CTNNAL1: variants seen among roughly 807,000 people sequenced by gnomAD.
The protein encoded by CTNNAL1 is alpha-catulin.
A neutral mutation model predicts 93.6 loss-of-function variants in CTNNAL1; 69 were observed. The observed-to-expected ratio is 0.74, with a 90% CI of 0.61 to 0.90. The LOEUF is 0.90. Among genes scored for constraint, CTNNAL1 ranks in the 40% least tolerant of loss-of-function variants. The probability of loss-of-function intolerance (pLI) is 0.00; values close to 1 mark genes in which losing one functional copy is unlikely to be tolerated. For missense variants in CTNNAL1, 836 were observed against 862.0 expected (o/e 0.97, Z 0.38); for synonymous variants, 286 against 305.4 (o/e 0.94, Z 0.66).
At chr9:108,999,350 T>C (rs1420264862) in intron 1 of CTNNAL1, 94 bp from the exon 2 acceptor site, 30 of 1,194,180 alleles carry the variant, frequency 2.5e-5, no homozygotes, top group Non-Finnish European at 3.4e-5. Context: ...TGGCATACTG[T>C]ATAGCTCAAT....
chr9:108,963,899 G>A (rs953472554), intron 11 of CTNNAL1, among the ~76,000 whole-genome samples: 4 of 152,152 alleles, frequency 2.6e-5, no homozygotes, highest in Non-Finnish European at 4.4e-5. Flanking sequence ...TCATTATTGA[G>A]TCAAGGACAC....
chr9:108,971,468 C>T (rs757179434), intron 9 of CTNNAL1, among the ~76,000 whole-genome samples: 5 of 152,270 alleles, frequency 3.3e-5, no homozygotes, highest in African/African-American at 1.2e-4. Flanking sequence ...ATGTCAAAGG[C>T]GGGACCAGGT....
chr9:108,997,565 A>T (rs1003249167), intron 2 of CTNNAL1, among the ~76,000 whole-genome samples: 7 of 152,234 alleles, frequency 4.6e-5, no homozygotes, highest in Non-Finnish European at 8.8e-5. Flanking sequence ...CATAACATAC[A>T]GGACCGTGTA....
chr9:108,998,576 A>G (rs1832109848), intron 2 of CTNNAL1, among the ~76,000 whole-genome samples: 1 of 152,140 alleles, frequency 6.6e-6, no homozygotes, highest in Non-Finnish European at 1.5e-5. Flanking sequence ...ATTTATTGAA[A>G]AAATTAATGG....
intron 4 of CTNNAL1, among the ~76,000 whole-genome samples, 200 bp downstream of exon 4, chr9:108,990,526 A>G (rs1831758763): frequency 1.3e-5 from 2 of 152,120 alleles, no homozygotes; most frequent in Non-Finnish European, 2.9e-5. Context: ...GTGGGAACAA[A>G]ATTAACTGTT....
At chr9:109,004,793 AT>A (rs201588615) in intron 1 of CTNNAL1, among the ~76,000 whole-genome samples, 7,297 of 151,588 alleles carry the variant, frequency 0.048, 293 homozygotes, top group South Asian at 0.13. Flanking sequence ...CTTGAAAAAA[AT>A]AAATAAATAA....
At chr9:108,991,765 T>G in intron 3 of CTNNAL1, 1 of 330,990 alleles carries the variant, frequency 3.0e-6, no homozygotes, top group Admixed American at 5.4e-5. Context: ...ATTCAACACT[T>G]ATCAAGTGGT....
At chr9:109,004,080 T>C (rs969383776) in intron 1 of CTNNAL1, among the ~76,000 whole-genome samples, 3 of 152,134 alleles carry the variant, frequency 2.0e-5, no homozygotes, top group African/African-American at 4.8e-5. Context: ...TCTTTCTTTC[T>C]CTCGGTTCAC....
intron 6 of CTNNAL1, among the ~76,000 whole-genome samples, chr9:108,981,484 CAA>C (rs59271794): frequency 0.063 from 9,106 of 144,444 alleles, 937 homozygotes; most frequent in African/African-American, 0.22. Context: ...AGACAAAAAA[CAA>C]AAAAAAAAAA....
At chr9:108,999,349 G>A in intron 1 of CTNNAL1, 93 bp from the exon 2 acceptor site, 1 of 1,236,660 alleles carries the variant, frequency 8.1e-7, no homozygotes, top group Admixed American at 2.6e-5. Flanking sequence ...CTGGCATACT[G>A]TATAGCTCAA....
At chr9:108,986,737 G>A (rs1831620688) in intron 4 of CTNNAL1, among the ~76,000 whole-genome samples, 3 of 151,616 alleles carry the variant, frequency 2.0e-5, no homozygotes, top group African/African-American at 7.3e-5. Context: ...GTGTGAGATG[G>A]TATCTCATTG....
At chr9:108,945,802 T>C (rs926892900) in intron 15 of CTNNAL1, among the ~76,000 whole-genome samples, 15 of 152,122 alleles carry the variant, frequency 9.9e-5, no homozygotes, top group African/African-American at 3.6e-4. Flanking sequence ...ATATTTTCAA[T>C]CCATAGTTGG....
intron 14 of CTNNAL1, among the ~76,000 whole-genome samples, chr9:108,951,901 G>A (rs28361169): frequency 0.018 from 2,724 of 152,244 alleles, 32 homozygotes; most frequent in Non-Finnish European, 0.025. Flanking sequence ...TTTTCTTAAC[G>A]TACTGATGCT....
At chr9:109,010,181 A>G (rs1007719045) in intron 1 of CTNNAL1, among the ~76,000 whole-genome samples, 4 of 152,182 alleles carry the variant, frequency 2.6e-5, no homozygotes, top group African/African-American at 9.7e-5. Context: ...CTGGGATTAC[A>G]GGCACCAGCC....
chr9:108,976,451 T>A (rs975543118), intron 8 of CTNNAL1, among the ~76,000 whole-genome samples: 8 of 152,220 alleles, frequency 5.3e-5, no homozygotes, highest in Admixed American at 5.2e-4. Context: ...AATAAAGTGA[T>A]GAAAATTCAT....
intron 4 of CTNNAL1, among the ~76,000 whole-genome samples, chr9:108,989,517 C>A (rs1352622473): frequency 6.6e-6 from 1 of 152,118 alleles, no homozygotes; most frequent in Non-Finnish European, 1.5e-5. Context: ...GACCAATACC[C>A]ATTTTTCAAC....
chr9:109,011,832 A>G (rs753575830), intron 1 of CTNNAL1, among the ~76,000 whole-genome samples: 1 of 152,278 alleles, frequency 6.6e-6, no homozygotes, highest in Non-Finnish European at 1.5e-5. Context: ...TAATATTTAC[A>G]AAGTGCTTAG....
At chr9:108,955,676 C>CT in intron 12 of CTNNAL1, 114 bp downstream of exon 12, 1 of 943,598 alleles carries the variant, frequency 1.1e-6, no homozygotes, top group Non-Finnish European at 1.7e-6. Context: ...AATATCCTAA[C>CT]TTTTTTCTGT....
At chr9:108,960,515 A>G (rs1024976118) in intron 11 of CTNNAL1, among the ~76,000 whole-genome samples, 32 of 152,182 alleles carry the variant, frequency 2.1e-4, no homozygotes, top group Non-Finnish European at 2.1e-4. Flanking sequence ...TAGGGCTGCC[A>G]GGAAAATGAG....
Sources: allele counts gnomAD v4.1 joint callset (sites outside exome capture counted in the v4.1 genomes callset), GRCh38; gene constraint gnomAD v4.1.1; transcripts MANE v1.5; gene names NCBI Gene and HGNC (gene_info 2026-07-23, HGNC 2026-07-21).